Variants in GRID2 observed in about 807,000 individuals in gnomAD.
GRID2 encodes glutamate receptor ionotropic, delta-2.
In GRID2, 33 loss-of-function variants were observed where a neutral mutation model predicts 114.8. The observed-to-expected ratio is 0.29, with a 90% CI of 0.22 to 0.38. The LOEUF (loss-of-function observed/expected upper bound fraction) is 0.38. Among genes scored for constraint, GRID2 ranks in the 10% least tolerant of loss-of-function variants. The probability of loss-of-function intolerance (pLI) is 1.00; values close to 1 mark genes in which losing one functional copy is unlikely to be tolerated. For missense variants in GRID2, 1,184 were observed against 1,257.7 expected, an observed-to-expected ratio of 0.94 and a Z score of 0.89; for synonymous variants, 505 against 449.9, an observed-to-expected ratio of 1.12 and a Z score of -1.55.
chr4:92,644,786 C>A (rs1452429508), intron 2 of GRID2, among the ~76,000 whole-genome samples: 1 of 151,392 alleles, frequency 6.6e-6, no homozygotes, highest in Admixed American at 6.6e-5. Flanking sequence ...AATAAACTTT[C>A]TCAAATTTAT....
chr4:92,765,925 TG>T (rs1200558343), intron 2 of GRID2, among the ~76,000 whole-genome samples: 1 of 152,148 alleles, frequency 6.6e-6, no homozygotes, highest in Non-Finnish European at 1.5e-5. Context: ...TTAAAGTTAG[TG>T]GAATTCAGGA....
At chr4:92,561,863 T>C (rs1387721595) in intron 1 of GRID2, among the ~76,000 whole-genome samples, 2 of 152,198 alleles carry the variant, frequency 1.3e-5, no homozygotes, top group African/African-American at 2.4e-5. Context: ...AACTGTCTTA[T>C]CATTATTGTT....
intron 2 of GRID2, among the ~76,000 whole-genome samples, chr4:93,016,029 GT>G (rs946238866): frequency 1.4e-4 from 20 of 147,384 alleles, no homozygotes; most frequent in Middle Eastern, 3.4e-3. Flanking sequence ...AAGATAATGT[GT>G]TTTTTTTTGG....
chr4:93,561,344 C>A (rs73839588), intron 13 of GRID2, among the ~76,000 whole-genome samples: 450 of 152,196 alleles, frequency 3.0e-3, no homozygotes, highest in African/African-American at 0.011. Context: ...ACCAATTTTT[C>A]TTAAATTGTG....
At chr4:92,560,628 A>G (rs768681510) in intron 1 of GRID2, among the ~76,000 whole-genome samples, 2 of 142,652 alleles carry the variant, frequency 1.4e-5, no homozygotes, top group Non-Finnish European at 3.0e-5. Flanking sequence ...TGCCTGGAAC[A>G]TCCTCTCATT....
intron 6 of GRID2, among the ~76,000 whole-genome samples, chr4:93,219,358 AT>A (rs1372415325): frequency 6.6e-6 from 1 of 152,158 alleles, no homozygotes; most frequent in African/African-American, 2.4e-5. Flanking sequence ...GTGAACAAAT[AT>A]TTTATTTATG....
chr4:93,156,334 A>T (rs1000797787), intron 4 of GRID2, among the ~76,000 whole-genome samples: 1 of 151,844 alleles, frequency 6.6e-6, no homozygotes, highest in East Asian at 1.9e-4. Flanking sequence ...TTAGTAAAAG[A>T]TTTTGTTAGC....
intron 8 of GRID2, among the ~76,000 whole-genome samples, chr4:93,383,729 C>G (rs1764074236): frequency 6.6e-6 from 1 of 152,188 alleles, no homozygotes; most frequent in Non-Finnish European, 1.5e-5. Context: ...ACCCCCTACA[C>G]AGCTCACATC....
chr4:93,012,910 CAT>C (rs112191102), intron 2 of GRID2, among the ~76,000 whole-genome samples: 7 of 151,708 alleles, frequency 4.6e-5, no homozygotes, highest in Admixed American at 3.3e-4. Context: ...ATATATATGA[CAT>C]ATATATATAA....
chr4:93,021,660 T>A (rs1175902035), intron 2 of GRID2, among the ~76,000 whole-genome samples: 1 of 145,198 alleles, frequency 6.9e-6, no homozygotes, highest in Admixed American at 7.0e-5. Flanking sequence ...TTATTTATAA[T>A]ATGTATACTA....
intron 5 of GRID2, among the ~76,000 whole-genome samples, chr4:93,211,154 G>C (rs553360997): frequency 6.6e-6 from 1 of 151,844 alleles, no homozygotes; most frequent in African/African-American, 2.4e-5. Context: ...GCTTCCACAA[G>C]TATACCTGAA....
chr4:92,325,654 T>A (rs1195644426), intron 1 of GRID2, among the ~76,000 whole-genome samples: 2 of 151,832 alleles, frequency 1.3e-5, no homozygotes, highest in Non-Finnish European at 2.9e-5. Flanking sequence ...AGTACAAATT[T>A]TTGTTATTTT....
chr4:92,410,541 C>T (rs1268374963), intron 1 of GRID2, among the ~76,000 whole-genome samples: 1 of 152,154 alleles, frequency 6.6e-6, no homozygotes, highest in Non-Finnish European at 1.5e-5. Flanking sequence ...ACAGAGCTAA[C>T]ATTCTACTAG....
intron 11 of GRID2, among the ~76,000 whole-genome samples, chr4:93,475,250 A>G (rs1725213330): frequency 6.6e-6 from 1 of 152,194 alleles, no homozygotes; most frequent in African/African-American, 2.4e-5. Context: ...AAAAGAAATC[A>G]GAATAGAATC....
At chr4:92,314,458 CAT>C (rs1245324811) in intron 1 of GRID2, among the ~76,000 whole-genome samples, 1 of 152,024 alleles carries the variant, frequency 6.6e-6, no homozygotes, top group African/African-American at 2.4e-5. Context: ...TTGCTTCAAA[CAT>C]CACTTTGGAA....
At chr4:92,476,827 A>C (rs538199896) in intron 1 of GRID2, among the ~76,000 whole-genome samples, 71 of 152,286 alleles carry the variant, frequency 4.7e-4, no homozygotes, top group Admixed American at 9.2e-4. Flanking sequence ...TAATGATGGA[A>C]TTTTAAAAAT....
At chr4:93,323,954 CGAT>C (rs1757537432) in intron 8 of GRID2, among the ~76,000 whole-genome samples, 1 of 151,882 alleles carries the variant, frequency 6.6e-6, no homozygotes. Context: ...TGGGCTGAGA[CGAT>C]GGGGTTTTCT....
chr4:92,659,739 G>T (rs1039460317), intron 2 of GRID2, among the ~76,000 whole-genome samples: 2 of 151,414 alleles, frequency 1.3e-5, no homozygotes, highest in African/African-American at 4.8e-5. Flanking sequence ...ATCCATTCCT[G>T]TGCTACATCC....
chr4:92,849,348 C>T (rs140115430), intron 2 of GRID2, among the ~76,000 whole-genome samples: 1 of 151,838 alleles, frequency 6.6e-6, no homozygotes, highest in African/African-American at 2.4e-5. Context: ...TATTCTTTGA[C>T]TTGGGGATTT....
Sources: allele counts gnomAD v4.1 joint callset (sites outside exome capture counted in the v4.1 genomes callset), GRCh38; gene constraint gnomAD v4.1.1; transcripts MANE v1.5; gene names NCBI Gene and HGNC (gene_info 2026-07-23, HGNC 2026-07-21).